Variants in GPATCH2 observed in about 807,000 individuals in gnomAD.
GPATCH2 encodes the protein G-patch domain containing 2, also known as G patch domain-containing protein 2.
In GPATCH2, 51 loss-of-function variants were observed where a neutral mutation model predicts 58.0. That is an observed-to-expected ratio of 0.88 (90% CI 0.70 to 1.11). The LOEUF (loss-of-function observed/expected upper bound fraction) is 1.11. Among genes scored for constraint, GPATCH2 ranks in the 50% most tolerant of loss-of-function variants. The probability of loss-of-function intolerance (pLI) is 0.00; values close to 1 mark genes in which losing one functional copy is unlikely to be tolerated. For synonymous variants in GPATCH2, 222 were observed against 218.5 expected, an observed-to-expected ratio of 1.02 and a Z score of -0.14; for missense variants, 625 against 652.2, an observed-to-expected ratio of 0.96 and a Z score of 0.45.
chr1:217,607,917 G>A (rs752531145), intron 5 of GPATCH2, among the ~76,000 whole-genome samples: 4 of 152,038 alleles, frequency 2.6e-5, no homozygotes, highest in Non-Finnish European at 5.9e-5. Flanking sequence ...TGTTTAATGG[G>A]TTGCAGCTCC....
At chr1:217,469,966 T>C (rs901694579) in intron 8 of GPATCH2, among the ~76,000 whole-genome samples, 13 of 152,206 alleles carry the variant, frequency 8.5e-5, no homozygotes, top group African/African-American at 3.1e-4. Context: ...TGGGAAATAT[T>C]CTGGCACTTA....
At chr1:217,433,361 C>CACATATATAT (rs1491151192) in intron 9 of GPATCH2, among the ~76,000 whole-genome samples, 40 of 118,414 alleles carry the variant, frequency 3.4e-4, no homozygotes, top group African/African-American at 1.2e-3. Context: ...TTAAGCTGTT[C>CACATATATAT]ATATATATAT....
At chr1:217,478,642 A>G (rs533545505) in intron 8 of GPATCH2, among the ~76,000 whole-genome samples, 2 of 152,250 alleles carry the variant, frequency 1.3e-5, no homozygotes, top group South Asian at 4.1e-4. Context: ...CCTAGCCTCA[A>G]AAGGGCAAGT....
At chr1:217,436,983 G>A (rs1400378184) in intron 9 of GPATCH2, among the ~76,000 whole-genome samples, 1 of 152,160 alleles carries the variant, frequency 6.6e-6, no homozygotes, top group Non-Finnish European at 1.5e-5. Context: ...AGCTCCCAGC[G>A]AGATCAATGC....
chr1:217,564,045 G>GAAA (rs59348467), intron 5 of GPATCH2, among the ~76,000 whole-genome samples: 5 of 58,216 alleles, frequency 8.6e-5, no homozygotes, highest in African/African-American at 4.1e-4. Context: ...ACTCCGTCTC[G>GAAA]AAAAAAAAAA....
At chr1:217,597,908 A>C (rs1342868419) in intron 5 of GPATCH2, among the ~76,000 whole-genome samples, 4 of 152,220 alleles carry the variant, frequency 2.6e-5, no homozygotes, top group African/African-American at 9.6e-5. Flanking sequence ...CTGCATCTGC[A>C]CACTAGGCAT....
At chr1:217,521,550 A>G (rs1309479967) in intron 5 of GPATCH2, among the ~76,000 whole-genome samples, 1 of 152,140 alleles carries the variant, frequency 6.6e-6, no homozygotes, top group Non-Finnish European at 1.5e-5. Context: ...GCATGGCAGC[A>G]CTAAACAGGG....
intron 8 of GPATCH2, among the ~76,000 whole-genome samples, chr1:217,470,813 T>C (rs545239841): frequency 1.8e-4 from 28 of 152,242 alleles, no homozygotes; most frequent in African/African-American, 6.0e-4. Context: ...CATTTGAGCT[T>C]TCTTTTTAAT....
At chr1:217,484,577 T>G (rs7538801) in intron 8 of GPATCH2, among the ~76,000 whole-genome samples, 13,484 of 145,576 alleles carry the variant, frequency 0.093, 1,312 homozygotes, top group African/African-American at 0.24. Context: ...TATATATATA[T>G]GATGCACATA....
chr1:217,565,900 G>A (rs1185936789), intron 5 of GPATCH2, among the ~76,000 whole-genome samples: 4 of 151,962 alleles, frequency 2.6e-5, no homozygotes, highest in South Asian at 4.1e-4. Context: ...TTGGGAGTTC[G>A]AGACCAGCCT....
intron 8 of GPATCH2, among the ~76,000 whole-genome samples, chr1:217,466,595 C>A (rs1361343947): frequency 6.6e-6 from 1 of 151,832 alleles, no homozygotes; most frequent in African/African-American, 2.4e-5. Flanking sequence ...TAGATACGAA[C>A]AAATGAAAGG....
At chr1:217,459,837 T>A (rs1432404513) in intron 8 of GPATCH2, among the ~76,000 whole-genome samples, 1 of 152,156 alleles carries the variant, frequency 6.6e-6, no homozygotes, top group Non-Finnish European at 1.5e-5. Flanking sequence ...TATCTGGATA[T>A]GTTTGTTGAA....
At chr1:217,551,787 C>G (rs1053523434) in intron 5 of GPATCH2, among the ~76,000 whole-genome samples, 6 of 152,062 alleles carry the variant, frequency 3.9e-5, no homozygotes, top group African/African-American at 7.2e-5. Context: ...ACCCAGTTTT[C>G]AAGGGAGGAA....
At chr1:217,529,899 T>A (rs1043816357) in intron 5 of GPATCH2, among the ~76,000 whole-genome samples, 2 of 152,218 alleles carry the variant, frequency 1.3e-5, no homozygotes, top group African/African-American at 4.8e-5. Context: ...TCTTTACAAA[T>A]TAGAATAGAT....
At chr1:217,515,481 TAAG>T (rs908907332) in intron 5 of GPATCH2, among the ~76,000 whole-genome samples, 1 of 152,054 alleles carries the variant, frequency 6.6e-6, no homozygotes, top group Admixed American at 6.6e-5. Context: ...TTTGGGAGGC[TAAG>T]GTCACCTGAG....
chr1:217,459,946 T>C (rs962736199), intron 8 of GPATCH2, among the ~76,000 whole-genome samples: 15 of 152,108 alleles, frequency 9.9e-5, no homozygotes, highest in Admixed American at 7.2e-4. Context: ...ACGTGCTAAG[T>C]TTTTTTCTTT....
chr1:217,621,086 C>T (rs762765282), intron 1 of GPATCH2, among the ~76,000 whole-genome samples: 2 of 152,158 alleles, frequency 1.3e-5, no homozygotes, highest in Non-Finnish European at 2.9e-5. Flanking sequence ...AAACTACATT[C>T]GCATTCAAAT....
intron 5 of GPATCH2, among the ~76,000 whole-genome samples, chr1:217,524,766 C>T (rs1448748913): frequency 6.8e-6 from 1 of 146,844 alleles, no homozygotes. Flanking sequence ...CAGGCTTAGG[C>T]AGGAGAATCA....
chr1:217,524,825 C>G (rs1223101072), intron 5 of GPATCH2, among the ~76,000 whole-genome samples: 1 of 101,376 alleles, frequency 9.9e-6, no homozygotes, highest in Non-Finnish European at 2.1e-5. Flanking sequence ...AGTCCAGCTT[C>G]GGCTTGGCAT....
Sources: gnomAD v4.1 joint callset for allele counts (sites outside exome capture counted in the v4.1 genomes callset) on GRCh38, gnomAD v4.1.1 for gene constraint, MANE v1.5 for transcripts, NCBI Gene and HGNC (gene_info 2026-07-23, HGNC 2026-07-21) for gene names.